The following FAM117B variants were observed in gnomAD, a reference collection of about 807,000 sequenced individuals.
FAM117B encodes the protein family with sequence similarity 117 member B.
A neutral mutation model predicts 52.8 loss-of-function variants in FAM117B; 22 were observed. The observed-to-expected ratio is 0.42, with a 90% CI of 0.30 to 0.59. FAM117B has a LOEUF of 0.59. Ranked by LOEUF, FAM117B falls within the 20% of genes least tolerant of loss-of-function variation. FAM117B has a pLI of 0.22. For synonymous variants in FAM117B, 309 were observed against 324.1 expected (o/e 0.95, Z 0.50); for missense variants, 678 against 802.6 (o/e 0.84, Z 1.88).
intron 2 of FAM117B, among the ~76,000 whole-genome samples, chr2:202,702,479 C>T (rs979833166): frequency 6.6e-6 from 1 of 152,186 alleles, no homozygotes; most frequent in Non-Finnish European, 1.5e-5. Context: ...TCACCCTGAT[C>T]AGTCAGCAGC....
At chr2:202,644,234 C>T (rs1002950749) in intron 1 of FAM117B, among the ~76,000 whole-genome samples, 6 of 151,920 alleles carry the variant, frequency 3.9e-5, no homozygotes, top group African/African-American at 1.2e-4. Context: ...ATATTGATTA[C>T]AGTAGAGCCT....
intron 1 of FAM117B, among the ~76,000 whole-genome samples, chr2:202,683,300 G>A (rs1003527380): frequency 2.0e-5 from 3 of 152,106 alleles, no homozygotes; most frequent in Non-Finnish European, 4.4e-5. Context: ...CTACACTCCA[G>A]CTTGGGCGAC....
At chr2:202,645,477 G>A (rs1689847007) in intron 1 of FAM117B, among the ~76,000 whole-genome samples, 1 of 149,382 alleles carries the variant, frequency 6.7e-6, no homozygotes, top group Non-Finnish European at 1.5e-5. Context: ...TTTTAGTAGA[G>A]ACGGGGTTTC....
chr2:202,738,217 C>T (rs1691471194), intron 4 of FAM117B, among the ~76,000 whole-genome samples: 1 of 152,128 alleles, frequency 6.6e-6, no homozygotes, highest in African/African-American at 2.4e-5. Context: ...CTTTTGTTCT[C>T]TTACTGTCTT....
chr2:202,717,263 G>A (rs1006667751), intron 2 of FAM117B, among the ~76,000 whole-genome samples: 5 of 152,150 alleles, frequency 3.3e-5, no homozygotes, highest in Admixed American at 2.6e-4. Flanking sequence ...TTCAGCTCAG[G>A]AGTTTGCGAC....
chr2:202,688,568 T>G (rs1261121943), intron 1 of FAM117B, among the ~76,000 whole-genome samples: 2 of 152,078 alleles, frequency 1.3e-5, no homozygotes, highest in African/African-American at 2.4e-5. Context: ...AAAAGATCTC[T>G]AAGATTAAGA....
At chr2:202,709,977 C>T (rs1049272133) in intron 2 of FAM117B, among the ~76,000 whole-genome samples, 6 of 152,122 alleles carry the variant, frequency 3.9e-5, no homozygotes, top group African/African-American at 1.4e-4. Context: ...TATACTGTCC[C>T]ATTGATGTAT....
chr2:202,729,795 A>G (rs564083596), intron 4 of FAM117B, among the ~76,000 whole-genome samples: 119 of 152,296 alleles, frequency 7.8e-4, no homozygotes, highest in Non-Finnish European at 1.4e-3. Context: ...TAGGCAGGAT[A>G]GAGAGGTAAA....
chr2:202,750,582 C>T (rs1471681875), intron 4 of FAM117B, among the ~76,000 whole-genome samples: 3 of 152,146 alleles, frequency 2.0e-5, no homozygotes, highest in Non-Finnish European at 2.9e-5. Flanking sequence ...GCCACATTGG[C>T]AGTTAGGGCT....
At chr2:202,674,131 T>A (rs1391750979) in intron 1 of FAM117B, among the ~76,000 whole-genome samples, 1 of 152,222 alleles carries the variant, frequency 6.6e-6, no homozygotes, top group Non-Finnish European at 1.5e-5. Context: ...TGTAATTGAT[T>A]ACTTCTAAAT....
intron 7 of FAM117B, among the ~76,000 whole-genome samples, chr2:202,765,081 A>G (rs1273376431): frequency 1.3e-5 from 2 of 152,324 alleles, no homozygotes; most frequent in Non-Finnish European, 2.9e-5. Flanking sequence ...ATGTCTTTAA[A>G]CATCTAGATT....
intron 1 of FAM117B, among the ~76,000 whole-genome samples, chr2:202,659,909 G>T (rs1690104541): frequency 6.6e-6 from 1 of 151,726 alleles, no homozygotes; most frequent in Admixed American, 6.6e-5. Flanking sequence ...GTAAGCCACT[G>T]CGCCCGGCCA....
chr2:202,657,792 T>C lies in FAM117B; in HGVS notation c.601+22004T>C, dbSNP rs373898660. 8.5e-5 allele frequency among the ~76,000 whole-genome samples: 13 copies of C among 152,284 alleles called. No homozygotes were observed. The East Asian group carries it at 2.1e-3, about 25-fold the overall frequency. ...AGCCACCTCACCTGGCCCCTTCTGC[T>C]TTTTGTTCCATAATCTCCCTTTTCC... On this transcript the variant is annotated intron_variant, in intron 1 of 7. Coordinates refer to ENST00000392238, the MANE Select transcript of FAM117B (RefSeq NM_173511.4).
At position 202,767,275 on chromosome 2, in the gene FAM117B, C is replaced by T. The variant is rs1691996806; in HGVS notation, c.*1511C>T. 1 of 151,802 alleles carries T rather than the reference C, an allele frequency of 6.6e-6. No homozygotes were observed. Among genetic ancestry groups the T allele is most frequent in the African/African-American group, 2.4e-5 (1 of 41,216 alleles). The allele number at this position is 151,802 out of a possible 1,614,324, so 9.4% of individuals were successfully genotyped here. On this transcript the variant is annotated 3_prime_UTR_variant, in exon 8 of 8. Transcript: ENST00000392238. ...TCCCAGGTTCAAGCAGTTCTCCTGC[C>T]TCAGCCTCCCAAGTAGCTGGGATTA...
At chr2:202,750,791 A>G (rs999816529) in intron 4 of FAM117B, among the ~76,000 whole-genome samples, 6 of 152,182 alleles carry the variant, frequency 3.9e-5, no homozygotes, top group African/African-American at 1.2e-4. Context: ...CTTGCTTCTG[A>G]TATTTTGGGG....
At chr2:202,708,473 C>T (rs1690910233) in intron 2 of FAM117B, among the ~76,000 whole-genome samples, 1 of 152,166 alleles carries the variant, frequency 6.6e-6, no homozygotes, top group Non-Finnish European at 1.5e-5. Flanking sequence ...ATCCATTCAT[C>T]TGCCAATGGA....
intron 2 of FAM117B, among the ~76,000 whole-genome samples, chr2:202,706,460 T>C (rs954517929): frequency 3.9e-5 from 6 of 152,248 alleles, no homozygotes; most frequent in Non-Finnish European, 5.9e-5. Flanking sequence ...TTTTCCAGTT[T>C]ATGGAAAAGA....
intron 4 of FAM117B, among the ~76,000 whole-genome samples, chr2:202,733,606 A>G (rs144810902): frequency 0.018 from 2,514 of 141,996 alleles, 67 homozygotes; most frequent in African/African-American, 0.063. Flanking sequence ...TTGCACGTCC[A>G]TTTATAGGCT....
intron 2 of FAM117B, among the ~76,000 whole-genome samples, chr2:202,719,966 G>A (rs920322833): frequency 6.6e-6 from 1 of 152,116 alleles, no homozygotes; most frequent in Non-Finnish European, 1.5e-5. Context: ...TGTGATGTAT[G>A]TTCCTTTCTG....
Sources: allele counts gnomAD v4.1 joint callset (sites outside exome capture counted in the v4.1 genomes callset), GRCh38; gene constraint gnomAD v4.1.1; transcripts MANE v1.5; gene names NCBI Gene and HGNC (gene_info 2026-07-23, HGNC 2026-07-21).